The following NPM2 variants were observed in gnomAD, a reference collection of about 807,000 sequenced individuals.
The protein encoded by NPM2 is nucleophosmin/nucleoplasmin 2.
NPM2 carries 25 observed loss-of-function variants against 32.0 expected under a neutral mutation model. The ratio of observed to expected loss-of-function variants is 0.78; its 90% CI spans 0.57 to 1.09. The LOEUF (loss-of-function observed/expected upper bound fraction) is 1.09. Among genes scored for constraint, NPM2 ranks in the 50% least tolerant of loss-of-function variants. The probability of loss-of-function intolerance (pLI) is 0.00; values close to 1 mark genes in which losing one functional copy is unlikely to be tolerated. For missense variants in NPM2, 282 were observed against 259.9 expected (o/e 1.08, Z -0.58); for synonymous variants, 111 against 94.2 (o/e 1.18, Z -1.04).
intron 5 of NPM2, among the ~76,000 whole-genome samples, chr8:22,026,703 CCTTGGCCTCCCGAAGTG>C (rs1189473111): frequency 1.3e-5 from 2 of 152,174 alleles, no homozygotes; most frequent in African/African-American, 4.8e-5. Flanking sequence ...GATTCGCCCG[CCTTGGCCTCCCGAAGTG>C]CTGGGATTAC....
chr8:22,033,281 G>A (rs1206333813), intron 6 of NPM2, 58 bp downstream of exon 6: 1 of 1,268,652 alleles, frequency 7.9e-7, no homozygotes, highest in East Asian at 2.3e-5. Flanking sequence ...CAGGGGCTCG[G>A]GACATACTAG....
At chr8:22,025,013 G>A (rs117903347) in intron 2 of NPM2, 183 bp downstream of exon 2, 4 of 538,904 alleles carry the variant, frequency 7.4e-6, no homozygotes, top group Non-Finnish European at 1.3e-5. Context: ...TCCTGTACGC[G>A]CCCGGTCGAG....
Position 22,025,788 on chromosome 8 carries a change from C to A in NPM2, c.270+16C>A, listed in dbSNP as rs752710232. 45 of 1,613,746 alleles carry A rather than the reference C, an allele frequency of 2.8e-5. No individual in the cohort carries two copies. Among genetic ancestry groups the A allele is most frequent in the Non-Finnish European group, 3.7e-5 (44 of 1,179,948 alleles). ...CCTCCCCATGGTGCGCATTTCCCTGCTGGCTGGAAGACTGCTGTCAGCCTC... is the reference window on the plus strand; with the variant it reads ...CCTCCCCATGGTGCGCATTTCCCTGATGGCTGGAAGACTGCTGTCAGCCTC... On this transcript the variant is annotated intron_variant, in intron 5 of 9. Transcript: ENST00000518119.
At chr8:22,035,871 T>G (rs1368120635) in intron 8 of NPM2, among the ~76,000 whole-genome samples, 1 of 147,726 alleles carries the variant, frequency 6.8e-6, no homozygotes, top group African/African-American at 2.5e-5. Context: ...ATGCGAAGGA[T>G]GCAGTGAACC....
chr8:22,034,357 G>A, intron 7 of NPM2, 82 bp downstream of exon 7: 1 of 1,448,674 alleles, frequency 6.9e-7, no homozygotes, highest in Middle Eastern at 2.1e-4. Context: ...CGGGAGCCTG[G>A]GCCAGCCTCC....
chr8:22,025,541 G>T lies in NPM2; in HGVS notation c.144+20G>T. On this transcript the variant is annotated intron_variant, in intron 4 of 9. Coordinates refer to ENST00000518119, the MANE Select transcript of NPM2 (RefSeq NM_001286680.2). ...CATACGGTAGGTGTTCCCAAAAGAGGGGAGGAAGATGGTGTCCGGGAACTT... is the reference window on the plus strand; with the variant it reads ...CATACGGTAGGTGTTCCCAAAAGAGTGGAGGAAGATGGTGTCCGGGAACTT... The T allele has an allele frequency of 6.2e-7, 1 of 1,613,826 alleles. No individual in the cohort carries two copies. Among genetic ancestry groups the T allele is most frequent in the South Asian group, 1.1e-5 (1 of 91,040 alleles).
chr8:22,029,523 A>C (rs997428205), intron 5 of NPM2, among the ~76,000 whole-genome samples: 3 of 152,194 alleles, frequency 2.0e-5, no homozygotes, highest in African/African-American at 7.2e-5. Flanking sequence ...ACTACTCATT[A>C]CTAGTACTAT....
At chr8:22,034,992 G>C (rs1424781531) in intron 8 of NPM2, among the ~76,000 whole-genome samples, 1 of 152,142 alleles carries the variant, frequency 6.6e-6, no homozygotes, top group Admixed American at 6.5e-5. Flanking sequence ...TGTAATCCCA[G>C]CTACTCAGGA....
At chr8:22,036,430 G>T in intron 8 of NPM2, 63 bp from the exon 9 acceptor site, 1 of 1,549,182 alleles carries the variant, frequency 6.5e-7, no homozygotes, top group Admixed American at 1.9e-5. Context: ...CACGCCGCTG[G>T]TCTGGAGCTG....
In NPM2 at chr8:22,025,210, T is replaced by G; in HGVS notation, c.-33-6T>G. ...GCAAGGCCTCACGCGGGCGCCCTCC[T>G]TGCAGCTGCCCGGCCAGCCCGCTTC... is the stretch of plus-strand genomic sequence containing the variant. On this transcript the variant is annotated splice_polypyrimidine_tract_variant and splice_region_variant and intron_variant, in intron 2 of 9. Coordinates refer to ENST00000518119, the MANE Select transcript of NPM2 (RefSeq NM_001286680.2). 6.2e-7 allele frequency: 1 copy of G among 1,602,006 alleles called. No individual in the cohort carries two copies. Among genetic ancestry groups the G allele is most frequent in the Non-Finnish European group, 8.5e-7 (1 of 1,176,450 alleles).
At chr8:22,029,441 G>A (rs1422577218) in intron 5 of NPM2, among the ~76,000 whole-genome samples, 1 of 152,156 alleles carries the variant, frequency 6.6e-6, no homozygotes, top group Non-Finnish European at 1.5e-5. Flanking sequence ...ACCGCACCTG[G>A]CCTGATTCTC....
At chr8:22,036,368 G>A in intron 8 of NPM2, 125 bp from the exon 9 acceptor site, 1 of 864,780 alleles carries the variant, frequency 1.2e-6, no homozygotes, top group Non-Finnish European at 1.8e-6. Context: ...AGTCCGAGTG[G>A]TCCCCAGGAG....
In NPM2 at chr8:22,033,240, G is replaced by T. The variant is rs189524554; in HGVS notation, c.364+17G>T. ...AACGTTATGGTAAGTCAGAGCCTGCGATCAGGAAGGTCCGTGAGTACCGTG... is the reference window on the plus strand; with the variant it reads ...AACGTTATGGTAAGTCAGAGCCTGCTATCAGGAAGGTCCGTGAGTACCGTG... On this transcript the variant is annotated intron_variant, in intron 6 of 9. Transcript: ENST00000518119. 6.3e-7 allele frequency: 1 copy of T among 1,598,732 alleles called. No individual in the cohort carries two copies. The highest frequency in any genetic ancestry group is 8.6e-7 in the Non-Finnish European group (1 of 1,165,998).
chr8:22,033,581 C>T (rs187132644), intron 6 of NPM2, among the ~76,000 whole-genome samples: 39 of 152,268 alleles, frequency 2.6e-4, no homozygotes, highest in Middle Eastern at 3.4e-3. Flanking sequence ...ACCATAGCAA[C>T]GCAGACCATA....
chr8:22,033,994 G>A (rs1157808186), intron 6 of NPM2, 115 bp from the exon 7 acceptor site: 1 of 1,465,440 alleles, frequency 6.8e-7, no homozygotes, highest in African/African-American at 1.4e-5. Context: ...GTCAACTCCA[G>A]GCTAGGATTC....
At chr8:22,030,273 C>G (rs1175571343) in intron 5 of NPM2, among the ~76,000 whole-genome samples, 3 of 152,184 alleles carry the variant, frequency 2.0e-5, no homozygotes, top group African/African-American at 4.8e-5. Context: ...AGGTCTTGCT[C>G]TGTTGCCTAG....
Position 22,036,483 on chromosome 8 carries a change from C to A in NPM2, c.567-10C>A, listed in dbSNP as rs1322901814. On this transcript the variant is annotated splice_polypyrimidine_tract_variant and intron_variant, in intron 8 of 9. Transcript: ENST00000518119. The stretch of plus-strand genomic sequence containing the variant: ...CAATCCCACTCCTGCTCCGCTCCAC[C>A]CTGTTGCAGAGCCAGCGTTAGAGAC... 1 of 1,603,920 alleles carries A rather than the reference C, an allele frequency of 6.2e-7. No homozygotes were observed. Among genetic ancestry groups the A allele is most frequent in the Non-Finnish European group, 8.5e-7 (1 of 1,175,428 alleles).
chr8:22,025,889 A>T, intron 5 of NPM2, 117 bp downstream of exon 5: 1 of 1,436,938 alleles, frequency 7.0e-7, no homozygotes, highest in Middle Eastern at 2.5e-4. Flanking sequence ...CTAGGGAGGT[A>T]GCACAGCCCA....
chr8:22,032,021 T>C (rs2871180), intron 5 of NPM2, among the ~76,000 whole-genome samples: 151,554 of 152,284 alleles, frequency 1, 75,418 homozygotes, highest in Middle Eastern at 1. Flanking sequence ...TACCTCCTGT[T>C]TGAACTTAGA....
Sources: gnomAD v4.1 joint callset for allele counts (sites outside exome capture counted in the v4.1 genomes callset) on GRCh38, gnomAD v4.1.1 for gene constraint, MANE v1.5 for transcripts, NCBI Gene and HGNC (gene_info 2026-07-23, HGNC 2026-07-21) for gene names.